Variants in ATP2B2 observed in about 807,000 individuals in gnomAD.
The protein encoded by ATP2B2 is plasma membrane calcium-transporting ATPase 2.
In ATP2B2, 15 loss-of-function variants were observed where a neutral mutation model predicts 120.0. The ratio of observed to expected loss-of-function variants is 0.12; its 90% confidence interval spans 0.08 to 0.19. The LOEUF (loss-of-function observed/expected upper bound fraction) is 0.19, where lower values mean the gene tolerates loss of function less well. Ranked by LOEUF, ATP2B2 falls within the 10% of genes least tolerant of loss-of-function variation. The probability of loss-of-function intolerance (pLI) is 1.00; values close to 1 mark genes in which losing one functional copy is unlikely to be tolerated. For missense variants in ATP2B2, 1,045 were observed against 1,719.8 expected (o/e 0.61, Z 6.94); for synonymous variants, 694 against 700.3 (o/e 0.99, Z 0.14).
chr3:10,671,213 T>A (rs530535038), intron 1 of ATP2B2, among the ~76,000 whole-genome samples: 2 of 151,934 alleles, frequency 1.3e-5, no homozygotes, highest in East Asian at 1.9e-4. Context: ...GAAAGCAGAG[T>A]TGGAATGCAA....
At chr3:10,367,057 C>T (rs1032291299) in intron 12 of ATP2B2, among the ~76,000 whole-genome samples, 2 of 152,242 alleles carry the variant, frequency 1.3e-5, no homozygotes, top group African/African-American at 4.8e-5. Context: ...CTCCTCCACC[C>T]GTGCCTGGGG....
chr3:10,346,025 T>C lies in ATP2B2; in HGVS notation c.2511+6A>G, dbSNP rs1022354132. The C allele has an allele frequency of 5.0e-6, 8 of 1,610,088 alleles. No individual in the cohort carries two copies. The highest frequency in any genetic ancestry group is 2.2e-5 in the East Asian group (1 of 44,868). Reference sequence around the variant, plus strand: ...CCACCCCAGGCCCTCTGTGGGCCGTTCCTACCATGGCGAAGCCCACGTCGG... The same window carrying C: ...CCACCCCAGGCCCTCTGTGGGCCGTCCCTACCATGGCGAAGCCCACGTCGG... On this transcript the variant is annotated splice_donor_region_variant and intron_variant, in intron 17 of 22. Coordinates refer to ENST00000360273, the MANE Select transcript of ATP2B2 (RefSeq NM_001001331.4). This position sits in a 1 kb window ranked among gnomAD's most constrained non-coding sequence, Gnocchi z 4.1.
In ATP2B2 at chr3:10,591,936, A is replaced by G. The variant is rs193105065; in HGVS notation, c.-415+27981T>C. ...GACAAGATACCCAAAGGTAAGGGGC[A>G]TCTAGAATTAATAGGGGTCAAGTTC... On this transcript the variant is annotated intron_variant, in intron 2 of 21. Transcript: ENST00000646379. 1.9e-3 allele frequency among the ~76,000 whole-genome samples: 295 copies of G among 152,312 alleles called. 1 individual carries two copies. The highest frequency in any genetic ancestry group is 6.8e-3 in the Middle Eastern group (2 of 294).
chr3:10,602,792 C>T (rs997190965), intron 2 of ATP2B2, among the ~76,000 whole-genome samples: 1 of 152,120 alleles, frequency 6.6e-6, no homozygotes, highest in African/African-American at 2.4e-5. Flanking sequence ...AGGCCAAACT[C>T]CACCCTTCAC....
chr3:10,594,230 A>G (rs1221760869), intron 2 of ATP2B2, among the ~76,000 whole-genome samples: 1 of 152,208 alleles, frequency 6.6e-6, no homozygotes, highest in African/African-American at 2.4e-5. Context: ...TATACCCAAA[A>G]GATTATAAAT....
intron 2 of ATP2B2, among the ~76,000 whole-genome samples, chr3:10,434,358 T>C (rs2125113492): frequency 6.6e-6 from 1 of 152,360 alleles, no homozygotes; most frequent in East Asian, 1.9e-4. Flanking sequence ...CAACAGGGTA[T>C]GGCTGGATCA....
chr3:10,482,056 T>C (rs920192346), intron 1 of ATP2B2, among the ~76,000 whole-genome samples: 1 of 144,756 alleles, frequency 6.9e-6, no homozygotes, highest in African/African-American at 2.4e-5. Context: ...CAGACAAACC[T>C]GGACACGTTA....
At chr3:10,409,513 GTTTC>G (rs1452133872) in intron 3 of ATP2B2, among the ~76,000 whole-genome samples, 2 of 152,154 alleles carry the variant, frequency 1.3e-5, no homozygotes, top group Non-Finnish European at 2.9e-5. Context: ...ATTACAGCTG[GTTTC>G]TTTGCTTCCA....
At chr3:10,473,665 T>C (rs1022342627) in intron 1 of ATP2B2, among the ~76,000 whole-genome samples, 6 of 152,222 alleles carry the variant, frequency 3.9e-5, no homozygotes, top group African/African-American at 1.4e-4. Flanking sequence ...TAAGGCATTA[T>C]GACTGAGACT....
chr3:10,650,230 T>C (rs912862242), intron 1 of ATP2B2, among the ~76,000 whole-genome samples: 12 of 152,200 alleles, frequency 7.9e-5, no homozygotes, highest in African/African-American at 2.9e-4. Flanking sequence ...ACTGAGGTGG[T>C]CTCAGATGGA....
intron 1 of ATP2B2, among the ~76,000 whole-genome samples, chr3:10,498,165 G>A (rs1239795088): frequency 1.3e-5 from 2 of 152,160 alleles, no homozygotes; most frequent in Admixed American, 1.3e-4. Flanking sequence ...CCGACACAAC[G>A]GCCTGATGAG....
chr3:10,682,877 G>C (rs1034550128), intron 1 of ATP2B2, among the ~76,000 whole-genome samples: 1 of 152,230 alleles, frequency 6.6e-6, no homozygotes, highest in African/African-American at 2.4e-5. Flanking sequence ...GGGGGCCACA[G>C]AAGCAGCTTT....
intron 12 of ATP2B2, among the ~76,000 whole-genome samples, chr3:10,369,694 C>T (rs571718382): frequency 1.1e-4 from 16 of 152,340 alleles, no homozygotes; most frequent in African/African-American, 3.8e-4. Flanking sequence ...ACTTTATCCT[C>T]ACAACAATCC....
intron 2 of ATP2B2, among the ~76,000 whole-genome samples, chr3:10,535,580 T>C (rs2067297128): frequency 6.6e-6 from 1 of 152,186 alleles, no homozygotes; most frequent in African/African-American, 2.4e-5. Flanking sequence ...ATCTCTCTAA[T>C]ATTGTTCTTT....
intron 2 of ATP2B2, among the ~76,000 whole-genome samples, chr3:10,569,429 G>A (rs1323000735): frequency 1.3e-5 from 2 of 152,140 alleles, no homozygotes; most frequent in African/African-American, 4.8e-5. Flanking sequence ...AGGATTGGGG[G>A]CCAACTCTTT....
intron 14 of ATP2B2, among the ~76,000 whole-genome samples, chr3:10,353,540 G>A (rs980588329): frequency 7.9e-5 from 12 of 152,202 alleles, no homozygotes; most frequent in Non-Finnish European, 1.3e-4. Context: ...TGTGGGGTAG[G>A]GACTGGAGAC....
At chr3:10,395,331 C>T (rs569998891) in intron 5 of ATP2B2, among the ~76,000 whole-genome samples, 55 of 152,316 alleles carry the variant, frequency 3.6e-4, no homozygotes, top group Admixed American at 3.3e-3. Context: ...GCCTGGAGAA[C>T]GCTGCAGGCA....
intron 2 of ATP2B2, among the ~76,000 whole-genome samples, chr3:10,564,856 A>G (rs554581532): frequency 1.3e-5 from 2 of 152,248 alleles, no homozygotes; most frequent in African/African-American, 2.4e-5. Flanking sequence ...TGTTCTCTCA[A>G]ATGCACTCTC....
chr3:10,342,850 T>C lies in ATP2B2; in HGVS notation c.2819A>G (p.Tyr940Cys). The C allele has an allele frequency of 6.2e-7, 1 of 1,613,930 alleles. No homozygotes were observed. ...PTETLLLRKP[Y>C]GRNKPLISRT... ...GGAGATGAGCGGCTTGTTGCGGCCG[T>C]ACGGCTTCCTCAGCAGCAGGGTCTC... The change falls in exon 19 of 23, where the codon TAC (tyrosine) becomes TGC (cysteine). Residue 940 changes from tyrosine (Y) to cysteine (C), a missense_variant. Physicochemically the swap from Tyr to Cys is radical, Grantham distance 194. Coordinates refer to ENST00000360273, the MANE Select transcript of ATP2B2 (RefSeq NM_001001331.4). The surrounding 1 kb of genome is among the most constrained non-coding windows in gnomAD (Gnocchi z 4.4).
Sources: allele counts gnomAD v4.1 joint callset (sites outside exome capture counted in the v4.1 genomes callset), GRCh38; gene constraint gnomAD v4.1.1; non-coding constraint Gnocchi (gnomAD v3.1); transcripts MANE v1.5; gene names NCBI Gene and HGNC (gene_info 2026-07-23, HGNC 2026-07-21).